The following INPP5F variants were observed in gnomAD, a reference collection of about 807,000 sequenced individuals.
INPP5F encodes phosphatidylinositide 4-phosphatase SAC2.
A neutral mutation model predicts 137.2 loss-of-function variants in INPP5F; 97 were observed. The ratio of observed to expected loss-of-function variants is 0.71; its 90% CI spans 0.60 to 0.84. The LOEUF (loss-of-function observed/expected upper bound fraction) is 0.84, where lower values mean the gene tolerates loss of function less well. Ranked by LOEUF, INPP5F falls within the 40% of genes least tolerant of loss-of-function variation. The probability of loss-of-function intolerance (pLI) is 0.00; values close to 1 mark genes in which losing one functional copy is unlikely to be tolerated. For synonymous variants in INPP5F, 504 were observed against 476.9 expected (o/e 1.06, Z -0.74); for missense variants, 1,271 against 1,371.9 (o/e 0.93, Z 1.16).
rs528921167 is a variant in INPP5F at position 119,782,807 on chromosome 10, C to G, written c.315+1036C>G. ...TATATAATTCTGCTGAGCTGCCGCC[C>G]TGTTACCTGAACATCAGGTAACAGC... On this transcript the variant is annotated intron_variant, in intron 3 of 19. Transcript: ENST00000650623. Among the ~76,000 whole-genome samples, 75 of 152,324 alleles carry G rather than the reference C, an allele frequency of 4.9e-4. No homozygotes were observed. In the South Asian group the frequency reaches 5.0e-3, roughly 10 times the overall value.
At chr10:119,821,890 T>A (rs71482893) in intron 16 of INPP5F, among the ~76,000 whole-genome samples, 1 of 133,488 alleles carries the variant, frequency 7.5e-6, no homozygotes, top group Non-Finnish European at 1.6e-5. Context: ...TTTTTTGAGA[T>A]GGAGTTTCGC....
Position 119,790,774 on chromosome 10 carries a change from C to CTGAGCTACA in INPP5F, c.316-739_316-731dup, listed in dbSNP as rs529596857. On this transcript the variant is annotated intron_variant, in intron 3 of 19. Coordinates refer to ENST00000650623, the MANE Select transcript of INPP5F (RefSeq NM_014937.4). ...CATTTCAGAATATTTGCTTTGTTTG[C>CTGAGCTACA]TGAGCTACATGAAATTATATGTAAA... Among the ~76,000 whole-genome samples the CTGAGCTACA allele has an allele frequency of 8.5e-5, 13 of 152,306 alleles. No homozygotes were observed. The South Asian group carries it at 2.7e-3, about 32-fold the overall frequency.
At chr10:119,726,621 C>CCTTGGGG (rs1206541344) in intron 1 of INPP5F, among the ~76,000 whole-genome samples, 1 of 152,256 alleles carries the variant, frequency 6.6e-6, no homozygotes, top group East Asian at 1.9e-4. Flanking sequence ...ACGCGGCCGC[C>CCTTGGGG]CTTGGGGCTT....
chr10:119,799,351 C>A, intron 9 of INPP5F: 12 of 417,240 alleles, frequency 2.9e-5, no homozygotes, highest in Non-Finnish European at 3.3e-5. Flanking sequence ...AAATAACATA[C>A]AAAAAGATAG....
At position 119,819,490 on chromosome 10, in the gene INPP5F, C is replaced by A. The variant is rs768460618; in HGVS notation, c.1887-1356C>A. On this transcript the variant is annotated intron_variant, in intron 15 of 19. Coordinates refer to ENST00000650623, the MANE Select transcript of INPP5F (RefSeq NM_014937.4). ...GAATTTATTTCATATTAAAATGTGT[C>A]ATGACGTAATTTTTATGGCTTGGCT... is the stretch of plus-strand genomic sequence containing the variant. The A allele has an allele frequency of 3.7e-6, 6 of 1,602,956 alleles. No homozygotes were observed. In the South Asian group the frequency reaches 6.7e-5, roughly 18 times the overall value.
chr10:119,744,964 A>T (rs1848488217), intron 1 of INPP5F, among the ~76,000 whole-genome samples: 1 of 150,960 alleles, frequency 6.6e-6, no homozygotes, highest in South Asian at 2.1e-4. Flanking sequence ...TAGTCATTAG[A>T]CCACAACACA....
intron 14 of INPP5F, 50 bp downstream of exon 14, chr10:119,810,267 C>T (rs1850975726): frequency 1.0e-6 from 1 of 976,906 alleles, no homozygotes; most frequent in African/African-American, 1.6e-5. Context: ...TCTTCTGTGA[C>T]TAATATTTTA....
chr10:119,733,359 C>G (rs539884488), intron 1 of INPP5F, among the ~76,000 whole-genome samples: 2 of 152,270 alleles, frequency 1.3e-5, no homozygotes, highest in South Asian at 2.1e-4. Context: ...GTCAGTTGAT[C>G]AGGTTTCTCT....
chr10:119,779,795 T>A (rs1184786005), intron 2 of INPP5F, among the ~76,000 whole-genome samples: 1 of 152,194 alleles, frequency 6.6e-6, no homozygotes, highest in Non-Finnish European at 1.5e-5. Context: ...CTTTTTAATG[T>A]TTTAAAACTT....
chr10:119,784,948 C>T (rs191160825), intron 3 of INPP5F, among the ~76,000 whole-genome samples: 152 of 152,334 alleles, frequency 1.0e-3, no homozygotes, highest in African/African-American at 3.3e-3. Context: ...CTCATAGAAA[C>T]GGAATAATAC....
rs1189499242 is a variant in INPP5F at position 119,806,403 on chromosome 10, C to T, written c.1363C>T (p.Arg455Cys). 1.9e-6 allele frequency: 3 copies of T among 1,603,814 alleles called. No homozygotes were observed. Among genetic ancestry groups the T allele is most frequent in the South Asian group, 1.1e-5 (1 of 88,936 alleles). ...GVICKQEGIF[R>C]VNCMDCLDRT... ...AATATGTAAGCAGGAAGGGATTTTT[C>T]GTGTTAATTGTATGGACTGCCTGGA... The change falls in exon 12 of 20, where the codon CGT becomes TGT. Residue 455 changes from arginine (R) to cysteine (C), a missense_variant. Transcript: ENST00000650623.
chr10:119,759,220 C>T (rs779054207), intron 2 of INPP5F, among the ~76,000 whole-genome samples: 4 of 152,156 alleles, frequency 2.6e-5, no homozygotes, highest in South Asian at 4.1e-4. Context: ...AGGGTTTTGC[C>T]GTGTTGCTCA....
rs374501210 is a variant in INPP5F, at chr10:119,791,478, G to C, written c.316-39G>C. 55 of 1,514,006 alleles carry C rather than the reference G, an allele frequency of 3.6e-5. No individual in the cohort carries two copies. In the African/African-American group the frequency reaches 6.3e-4, roughly 17 times the overall value. 93.8% of individuals were successfully genotyped at this position (1,514,006 alleles called of 1,614,324 possible). The stretch of plus-strand genomic sequence containing the variant: ...TTGCACTCGAACATTTAACAAACAG[G>C]TATTAGTAATAACAAATCATCTTTC... On this transcript the variant is annotated intron_variant, in intron 3 of 19. Transcript: ENST00000650623.
intron 6 of INPP5F, among the ~76,000 whole-genome samples, chr10:119,795,653 G>A (rs1366932771): frequency 2.7e-4 from 41 of 152,050 alleles, no homozygotes; most frequent in Middle Eastern, 3.2e-3. Context: ...AGGCGGAGAC[G>A]CTCCTCACTT....
At chr10:119,788,478 T>C (rs2134197445) in intron 3 of INPP5F, among the ~76,000 whole-genome samples, 1 of 152,032 alleles carries the variant, frequency 6.6e-6, no homozygotes, top group Admixed American at 6.5e-5. Flanking sequence ...ATTGTTGTCA[T>C]GGGGACCAGA....
chr10:119,735,942 C>T (rs1589661661), intron 1 of INPP5F, among the ~76,000 whole-genome samples: 1 of 152,266 alleles, frequency 6.6e-6, no homozygotes, highest in East Asian at 1.9e-4. Context: ...CCTGCCTGGC[C>T]AACATGGTGA....
intron 1 of INPP5F, among the ~76,000 whole-genome samples, chr10:119,729,399 G>C (rs1411362971): frequency 6.6e-6 from 1 of 151,958 alleles, no homozygotes; most frequent in Non-Finnish European, 1.5e-5. Flanking sequence ...TGCCCACCTC[G>C]GCCCCCCAAA....
chr10:119,788,247 G>A (rs1023604799), intron 3 of INPP5F, among the ~76,000 whole-genome samples: 6 of 152,164 alleles, frequency 3.9e-5, no homozygotes, highest in Non-Finnish European at 5.9e-5. Flanking sequence ...TGGGGGAGAC[G>A]TCACATGCAT....
At chr10:119,769,821 C>T (rs1373895877) in intron 2 of INPP5F, among the ~76,000 whole-genome samples, 7 of 152,144 alleles carry the variant, frequency 4.6e-5, no homozygotes. Context: ...CTGAATTACA[C>T]CACAGGCTTT....
Sources: allele counts gnomAD v4.1 joint callset (sites outside exome capture counted in the v4.1 genomes callset), GRCh38; gene constraint gnomAD v4.1.1; transcripts MANE v1.5; gene names NCBI Gene and HGNC (gene_info 2026-07-23, HGNC 2026-07-21).